TGFBR3: variants seen among roughly 807,000 people sequenced by gnomAD.
TGFBR3 encodes the protein transforming growth factor beta receptor type 3.
A neutral mutation model predicts 87.9 loss-of-function variants in TGFBR3; 46 were observed. The observed-to-expected ratio is 0.52, with a 90% CI of 0.41 to 0.67. The LOEUF (loss-of-function observed/expected upper bound fraction) is 0.67, where lower values mean the gene tolerates loss of function less well. Ranked by LOEUF, TGFBR3 falls within the 30% of genes least tolerant of loss-of-function variation. TGFBR3 has a pLI of 0.00. For missense variants in TGFBR3, 866 were observed against 1,041.9 expected (o/e 0.83, Z 2.32); for synonymous variants, 381 against 391.6 (o/e 0.97, Z 0.32).
intron 8 of TGFBR3, 40 bp downstream of exon 8, chr1:91,721,915 G>A (rs778976313): frequency 1.3e-6 from 2 of 1,579,346 alleles, no homozygotes; most frequent in East Asian, 4.5e-5. Context: ...GCTTCATTTG[G>A]GGGGTATTTT....
chr1:91,897,240 G>C (rs906894923), intron 2 of TGFBR3, among the ~76,000 whole-genome samples: 10 of 152,160 alleles, frequency 6.6e-5, no homozygotes, highest in African/African-American at 2.4e-4. Flanking sequence ...AGCCTGCGGG[G>C]GTATCAGGCA....
chr1:91,820,611 A>G (rs10874982), intron 2 of TGFBR3, among the ~76,000 whole-genome samples: 6,112 of 152,160 alleles, frequency 0.04, 169 homozygotes, highest in African/African-American at 0.072. Context: ...GCGTGAACCC[A>G]GGAGGCGGAG....
chr1:91,681,326 G>A lies in TGFBR3; in HGVS notation c.*2413C>T, dbSNP rs763355562. On this transcript the variant is annotated 3_prime_UTR_variant, in exon 17 of 17. Transcript: ENST00000212355. ...CTCCAATATGAGATTAGGTTTTATC[G>A]ACACAGATTTCTTGATCTGAATAAT... The A allele has an allele frequency of 2.0e-5, 9 of 444,280 alleles. No individual in the cohort carries two copies. Among genetic ancestry groups the A allele is most frequent in the Admixed American group, 7.3e-5 (3 of 40,920 alleles). The allele number at this position is 444,280 out of a possible 1,614,324, so 27.5% of individuals were successfully genotyped here.
At chr1:91,777,629 CT>C (rs1408493787) in intron 3 of TGFBR3, among the ~76,000 whole-genome samples, 1 of 151,920 alleles carries the variant, frequency 6.6e-6, no homozygotes, top group Non-Finnish European at 1.5e-5. Context: ...CCACATCCCC[CT>C]AACATGCCTG....
chr1:91,712,544 T>C lies in TGFBR3; in HGVS notation c.1867-2A>G. On this transcript the variant is annotated splice_acceptor_variant, in intron 12 of 16. Transcript: ENST00000212355. LOFTEE classifies it high-confidence loss of function. The stretch of plus-strand genomic sequence containing the variant: ...TTGTTCAGCCTTAGTAACAGATACC[T>C]ATGAAAGAACAGAAAGATGAATTAG... The C allele has an allele frequency of 6.2e-7, 1 of 1,614,070 alleles. No individual in the cohort carries two copies.
intron 1 of TGFBR3, among the ~76,000 whole-genome samples, chr1:91,900,617 T>C (rs17576372): frequency 0.33 from 50,062 of 152,174 alleles, 9,441 homozygotes; most frequent in Admixed American, 0.43. Flanking sequence ...CTCCACATCT[T>C]GACCATTTCT....
intron 2 of TGFBR3, among the ~76,000 whole-genome samples, chr1:91,811,391 G>C (rs1676023649): frequency 1.3e-5 from 2 of 152,108 alleles, no homozygotes; most frequent in African/African-American, 4.8e-5. Context: ...CAATTTAAGA[G>C]GCCTGTAATA....
intron 4 of TGFBR3, 42 bp from the exon 5 acceptor site, chr1:91,735,001 C>T (rs375286536): frequency 1.0e-4 from 162 of 1,605,918 alleles, no homozygotes; most frequent in African/African-American, 2.1e-4. Context: ...GTGCAGTCAC[C>T]GGAGCTGAAT....
chr1:91,738,483 C>T (rs781150245), intron 4 of TGFBR3, among the ~76,000 whole-genome samples: 2 of 152,104 alleles, frequency 1.3e-5, no homozygotes, highest in Non-Finnish European at 2.9e-5. Context: ...GTGAGATCTG[C>T]TCATTTAAAA....
rs780579095 is a variant in TGFBR3, at chr1:91,695,773, A to C, written c.2336T>G (p.Phe779Cys). 1 of 1,614,102 alleles carries C rather than the reference A, an allele frequency of 6.2e-7. No homozygotes were observed. The highest frequency in any genetic ancestry group is 1.1e-5 in the South Asian group (1 of 91,086). ...CACGGTTAGGGTGTCCAGACCATGG[A>C]AAATTGCTATAAAGGAGAGAAACCG... ...KEPNPISPPI[F>C]HGLDTLTVMG... The change falls in exon 16 of 17, where the codon TTC (phenylalanine) becomes TGC (cysteine). Residue 779 changes from phenylalanine to cysteine, a missense_variant. By Grantham distance (205) the Phe-to-Cys change is radical. Coordinates refer to ENST00000212355, the MANE Select transcript of TGFBR3 (RefSeq NM_003243.5).
chr1:91,732,488 C>G (rs1021253623), intron 5 of TGFBR3, among the ~76,000 whole-genome samples: 6 of 152,116 alleles, frequency 3.9e-5, no homozygotes, highest in African/African-American at 1.4e-4. Context: ...GAGAACTGCT[C>G]GGGTTAGAGC....
intron 15 of TGFBR3, among the ~76,000 whole-genome samples, chr1:91,697,459 C>T (rs1671472087): frequency 6.6e-6 from 1 of 152,132 alleles, no homozygotes; most frequent in South Asian, 2.1e-4. Context: ...TCTGGGTGGA[C>T]AGCTGGGAAG....
intron 4 of TGFBR3, among the ~76,000 whole-genome samples, chr1:91,746,065 AC>A (rs1201230807): frequency 6.6e-6 from 1 of 152,168 alleles, no homozygotes; most frequent in Non-Finnish European, 1.5e-5. Flanking sequence ...TATAAAAAAA[AC>A]CTAAATGACT....
chr1:91,820,535 A>T (rs1676407736), intron 2 of TGFBR3, among the ~76,000 whole-genome samples: 1 of 152,086 alleles, frequency 6.6e-6, no homozygotes, highest in Admixed American at 6.5e-5. Flanking sequence ...AATACAAAAA[A>T]ATTAGCTGGG....
At chr1:91,879,070 A>T (rs1003705438) in intron 1 of TGFBR3, among the ~76,000 whole-genome samples, 1 of 152,032 alleles carries the variant, frequency 6.6e-6, no homozygotes, top group Non-Finnish European at 1.5e-5. Flanking sequence ...GAAGTTCGAG[A>T]CCAGCCTGGA....
chr1:91,760,872 T>C (rs903505762), intron 3 of TGFBR3, among the ~76,000 whole-genome samples: 3 of 152,202 alleles, frequency 2.0e-5, no homozygotes, highest in African/African-American at 7.2e-5. Flanking sequence ...ATTCAAACTG[T>C]ACTGAACAAA....
intron 1 of TGFBR3, among the ~76,000 whole-genome samples, chr1:91,885,454 T>G (rs1378114560): frequency 6.6e-6 from 1 of 150,630 alleles, no homozygotes; most frequent in Non-Finnish European, 1.5e-5. Flanking sequence ...CGTGCACGAG[T>G]CCGGGAGCCA....
chr1:91,718,426 C>T (rs72714444), intron 10 of TGFBR3, among the ~76,000 whole-genome samples: 31,897 of 151,550 alleles, frequency 0.21, 3,700 homozygotes, highest in South Asian at 0.31. Context: ...AGCTCAGCCA[C>T]CCCATGTCAA....
At position 91,727,517 on chromosome 1, in the gene TGFBR3, T is replaced by C. The variant is rs141277080; in HGVS notation, c.885+142A>G. 41 of 1,036,256 alleles carry C rather than the reference T, an allele frequency of 4.0e-5. No individual in the cohort carries two copies. In the African/African-American group the frequency reaches 5.6e-4, roughly 14 times the overall value. 64.2% of individuals were successfully genotyped at this position (1,036,256 alleles called of 1,614,324 possible). ...CAACCGCACCTATTTTATAGGAGCATGCTATTTTGCAAAGTGAAAAATAAT... is the reference window on the plus strand; with the variant it reads ...CAACCGCACCTATTTTATAGGAGCACGCTATTTTGCAAAGTGAAAAATAAT... On this transcript the variant is annotated intron_variant, in intron 7 of 16. Transcript: ENST00000212355.
Sources: gnomAD v4.1 joint callset for allele counts (sites outside exome capture counted in the v4.1 genomes callset) on GRCh38, gnomAD v4.1.1 for gene constraint, MANE v1.5 for transcripts, NCBI Gene and HGNC (gene_info 2026-07-23, HGNC 2026-07-21) for gene names.